LRRC28: variants seen among roughly 807,000 people sequenced by gnomAD.
LRRC28 encodes leucine-rich repeat-containing protein 28.
A neutral mutation model predicts 45.7 loss-of-function variants in LRRC28; 39 were observed. The ratio of observed to expected loss-of-function variants is 0.85; its 90% CI spans 0.66 to 1.12. The LOEUF (loss-of-function observed/expected upper bound fraction) is 1.12. LRRC28 is among the 50% of genes most tolerant of loss of function. The pLI is 0.00. For synonymous variants in LRRC28, 206 were observed against 178.8 expected (o/e 1.15, Z -1.22); for missense variants, 435 against 438.5 (o/e 0.99, Z 0.07).
intron 6 of LRRC28, among the ~76,000 whole-genome samples, chr15:99,347,146 A>G (rs1422962955): frequency 6.6e-6 from 1 of 151,428 alleles, no homozygotes; most frequent in Non-Finnish European, 1.5e-5. Flanking sequence ...GCTATTTTCC[A>G]TCCTTACCTT....
intron 7 of LRRC28, among the ~76,000 whole-genome samples, chr15:99,360,219 C>T (rs1206155616): frequency 6.6e-6 from 1 of 152,142 alleles, no homozygotes; most frequent in African/African-American, 2.4e-5. Context: ...TTCTTTCAGG[C>T]TTCTGTACTG....
chr15:99,289,659 C>T (rs977217034), intron 5 of LRRC28, among the ~76,000 whole-genome samples: 2 of 151,938 alleles, frequency 1.3e-5, no homozygotes, highest in South Asian at 2.1e-4. Flanking sequence ...CCAGGCCGGG[C>T]GCGGTGGCTC....
chr15:99,369,751 G>A (rs1032852001), intron 9 of LRRC28, among the ~76,000 whole-genome samples: 1 of 152,282 alleles, frequency 6.6e-6, no homozygotes, highest in South Asian at 2.1e-4. Flanking sequence ...ACCTAACCAA[G>A]TTGACACATA....
intron 5 of LRRC28, among the ~76,000 whole-genome samples, chr15:99,325,969 G>T (rs1955961046): frequency 6.6e-6 from 1 of 152,172 alleles, no homozygotes; most frequent in Non-Finnish European, 1.5e-5. Context: ...CGACCAATGG[G>T]AAGGCTTGTT....
In LRRC28 at chr15:99,388,428, A is replaced by G. The variant is rs1269852196; in HGVS notation, c.*2326A>G. The G allele has an allele frequency of 1.3e-5, 2 of 152,258 alleles. No homozygotes were observed. Among genetic ancestry groups the G allele is most frequent in the Non-Finnish European group, 2.9e-5 (2 of 68,044 alleles). 9.4% of individuals were successfully genotyped at this position (152,258 alleles called of 1,614,324 possible). ...ACCTATTATGAACTACGGTGTGTTA[A>G]ACAACAGCAGTGGGCTGGGCAGACA... On this transcript the variant is annotated 3_prime_UTR_variant, in exon 10 of 10. Coordinates refer to ENST00000301981, the MANE Select transcript of LRRC28 (RefSeq NM_144598.5).
intron 9 of LRRC28, among the ~76,000 whole-genome samples, chr15:99,380,098 C>T (rs1453378226): frequency 6.6e-6 from 1 of 152,120 alleles, no homozygotes; most frequent in Admixed American, 6.5e-5. Context: ...TCCTTGTTAA[C>T]TTTCTGTCTC....
At chr15:99,328,452 C>T (rs943326956) in intron 5 of LRRC28, among the ~76,000 whole-genome samples, 1 of 152,028 alleles carries the variant, frequency 6.6e-6, no homozygotes, top group Non-Finnish European at 1.5e-5. Context: ...GGAACTATTA[C>T]CTTGTTATTG....
chr15:99,354,773 G>A (rs1567691339), intron 7 of LRRC28, among the ~76,000 whole-genome samples: 2 of 152,144 alleles, frequency 1.3e-5, no homozygotes, highest in African/African-American at 4.8e-5. Context: ...TCTGAGACCT[G>A]AAAGATCAAC....
intron 2 of LRRC28, chr15:99,259,112 C>T: frequency 1.5e-6 from 2 of 1,321,412 alleles, no homozygotes; most frequent in Admixed American, 1.7e-5. Flanking sequence ...AATTGAAGAC[C>T]ACTCGAATCG....
intron 3 of LRRC28, among the ~76,000 whole-genome samples, chr15:99,284,281 T>C (rs1251256556): frequency 4.6e-5 from 7 of 152,182 alleles, no homozygotes; most frequent in Non-Finnish European, 7.3e-5. Flanking sequence ...CACTCTGTTA[T>C]CTTTTTTTAA....
chr15:99,324,804 G>T (rs1955917270), intron 5 of LRRC28, among the ~76,000 whole-genome samples: 2 of 152,172 alleles, frequency 1.3e-5, no homozygotes, highest in Admixed American at 6.5e-5. Context: ...ACTTATGTTT[G>T]CTCCCAGGGA....
At chr15:99,296,717 A>G (rs2082273408) in intron 5 of LRRC28, among the ~76,000 whole-genome samples, 1 of 152,216 alleles carries the variant, frequency 6.6e-6, no homozygotes, top group African/African-American at 2.4e-5. Flanking sequence ...TTACTGCTGC[A>G]AAGTATGCCA....
At position 99,274,987 on chromosome 15, in the gene LRRC28, A is replaced by G. The variant is rs549371392; in HGVS notation, c.169-1589A>G. ...TTATTATTGATACACAGTTTACCCTATAGTAGCTTGAATGTAAATGAAAAA... is the reference window on the plus strand; with the variant it reads ...TTATTATTGATACACAGTTTACCCTGTAGTAGCTTGAATGTAAATGAAAAA... On this transcript the variant is annotated intron_variant, in intron 2 of 9. Transcript: ENST00000301981. Among the ~76,000 whole-genome samples, 6 of 151,768 alleles carry G rather than the reference A, an allele frequency of 4.0e-5. No homozygotes were observed. In the East Asian group the frequency reaches 7.9e-4, roughly 20 times the overall value.
At chr15:99,368,762 A>G (rs1411063269) in intron 9 of LRRC28, among the ~76,000 whole-genome samples, 1 of 152,200 alleles carries the variant, frequency 6.6e-6, no homozygotes, top group African/African-American at 2.4e-5. Context: ...TTTGCAAACC[A>G]TTGTCCAGCC....
In LRRC28 at chr15:99,386,737, G is replaced by A. The variant is rs1260249943; in HGVS notation, c.*635G>A. ...ACAGTGTAGCAACAGACTTTTGTGA[G>A]GGATTTTAAAAACAAAAATGTAGAT... On this transcript the variant is annotated 3_prime_UTR_variant, in exon 10 of 10. Transcript: ENST00000301981. 1 of 152,016 alleles carries A rather than the reference G, an allele frequency of 6.6e-6. No homozygotes were observed. The allele number at this position is 152,016 out of a possible 1,614,324, so 9.4% of individuals were successfully genotyped here. A position where few individuals can be genotyped will look rare whatever the true frequency, so the allele number is the denominator to read the frequency against.
chr15:99,360,458 A>T (rs957185778), intron 7 of LRRC28, among the ~76,000 whole-genome samples: 1 of 152,154 alleles, frequency 6.6e-6, no homozygotes, highest in Non-Finnish European at 1.5e-5. Context: ...ACTGACTGGC[A>T]TATAGTAAGT....
At chr15:99,252,472 T>G (rs895822176) in intron 1 of LRRC28, among the ~76,000 whole-genome samples, 2 of 152,218 alleles carry the variant, frequency 1.3e-5, no homozygotes, top group Non-Finnish European at 2.9e-5. Context: ...AGGGACTGTC[T>G]TATTGAATCT....
intron 5 of LRRC28, among the ~76,000 whole-genome samples, chr15:99,319,839 A>G (rs1193319729): frequency 6.6e-6 from 1 of 151,776 alleles, no homozygotes. Context: ...TTTATTTGAG[A>G]CAGAACCAGG....
At chr15:99,271,818 C>T (rs918717016) in intron 2 of LRRC28, among the ~76,000 whole-genome samples, 2 of 152,124 alleles carry the variant, frequency 1.3e-5, no homozygotes, top group African/African-American at 2.4e-5. Flanking sequence ...GGGCTGGTCT[C>T]GAACTCTTGA....
Sources: gnomAD v4.1 joint callset for allele counts (sites outside exome capture counted in the v4.1 genomes callset) on GRCh38, gnomAD v4.1.1 for gene constraint, MANE v1.5 for transcripts, NCBI Gene and HGNC (gene_info 2026-07-23, HGNC 2026-07-21) for gene names.